Variants in TESC observed in about 807,000 individuals in gnomAD.
TESC encodes tescalcin.
TESC carries 19 observed loss-of-function variants against 31.0 expected under a neutral mutation model. That is an observed-to-expected ratio of 0.61 (90% CI 0.43 to 0.90). The LOEUF (loss-of-function observed/expected upper bound fraction) is 0.90, where lower values mean the gene tolerates loss of function less well. TESC is among the 40% of genes least tolerant of loss of function. The probability of loss-of-function intolerance (pLI) is 0.00; values close to 1 mark genes in which losing one functional copy is unlikely to be tolerated. For synonymous variants in TESC, 109 were observed against 114.8 expected, an observed-to-expected ratio of 0.95 and a Z score of 0.32; for missense variants, 248 against 303.8, an observed-to-expected ratio of 0.82 and a Z score of 1.36.
At chr12:117,097,258 T>C (rs943022460) in intron 1 of TESC, among the ~76,000 whole-genome samples, 2 of 152,220 alleles carry the variant, frequency 1.3e-5, no homozygotes, top group African/African-American at 4.8e-5. Context: ...CCTTGGGTTA[T>C]GAAGTCTGAG....
intron 1 of TESC, among the ~76,000 whole-genome samples, chr12:117,075,627 C>T (rs968075187): frequency 2.0e-5 from 3 of 151,538 alleles, no homozygotes; most frequent in African/African-American, 4.9e-5. Flanking sequence ...GGCCATTCTC[C>T]CAGCCTCTGA....
intron 4 of TESC, 113 bp downstream of exon 4, chr12:117,048,906 C>T: frequency 6.5e-7 from 1 of 1,545,092 alleles, no homozygotes; most frequent in South Asian, 1.2e-5. Flanking sequence ...CCCTCCAAGC[C>T]CCCAAGCCAA....
chr12:117,075,376 A>G, intron 1 of TESC, 36 bp from the exon 2 acceptor site: 1 of 1,586,978 alleles, frequency 6.3e-7, no homozygotes, highest in Non-Finnish European at 8.6e-7. Context: ...AACAAGACAG[A>G]AAAAAAAATC....
At chr12:117,096,452 G>GT (rs1442666496) in intron 1 of TESC, among the ~76,000 whole-genome samples, 10 of 152,202 alleles carry the variant, frequency 6.6e-5, no homozygotes, top group Non-Finnish European at 1.2e-4. Flanking sequence ...CAGGATCCAG[G>GT]TGGGGGTACT....
intron 1 of TESC, among the ~76,000 whole-genome samples, chr12:117,085,117 A>G (rs1955201202): frequency 1.3e-5 from 2 of 152,282 alleles, no homozygotes; most frequent in African/African-American, 4.8e-5. Flanking sequence ...GTGATGCCCA[A>G]TGGGGTTCTG....
chr12:117,073,313 C>T (rs554058510), intron 2 of TESC, among the ~76,000 whole-genome samples: 1 of 152,172 alleles, frequency 6.6e-6, no homozygotes, highest in Non-Finnish European at 1.5e-5. Flanking sequence ...AATGAGAAGC[C>T]AGGTGACTCT....
intron 1 of TESC, among the ~76,000 whole-genome samples, chr12:117,083,252 T>C (rs1955173052): frequency 6.6e-6 from 1 of 152,192 alleles, no homozygotes; most frequent in South Asian, 2.1e-4. Context: ...CTAATTTCTA[T>C]ATTTTTAGTA....
intron 1 of TESC, among the ~76,000 whole-genome samples, chr12:117,088,857 G>A (rs749871239): frequency 2.0e-5 from 3 of 152,184 alleles, no homozygotes; most frequent in Non-Finnish European, 4.4e-5. Flanking sequence ...CAAGTGCCAG[G>A]GGCAAGGAAG....
chr12:117,053,182 C>T (rs1954673299), intron 3 of TESC, among the ~76,000 whole-genome samples: 1 of 152,250 alleles, frequency 6.6e-6, no homozygotes, highest in Non-Finnish European at 1.5e-5. Context: ...CAGGGAGCAC[C>T]ACGCCTGTGC....
chr12:117,044,116 T>G (rs574802286), intron 6 of TESC, among the ~76,000 whole-genome samples: 1 of 152,202 alleles, frequency 6.6e-6, no homozygotes, highest in Non-Finnish European at 1.5e-5. Context: ...TTTTAAAAAT[T>G]AGCTGGGTGT....
chr12:117,048,398 C>T (rs1335992787), intron 4 of TESC, among the ~76,000 whole-genome samples: 1 of 152,170 alleles, frequency 6.6e-6, no homozygotes, highest in Non-Finnish European at 1.5e-5. Context: ...AGGAGGCTGA[C>T]CTGGGGCGGG....
intron 3 of TESC, among the ~76,000 whole-genome samples, chr12:117,053,773 C>G (rs1419080470): frequency 6.6e-6 from 1 of 152,136 alleles, no homozygotes; most frequent in Admixed American, 6.5e-5. Flanking sequence ...CACATACACA[C>G]ACGCACGCAC....
intron 1 of TESC, among the ~76,000 whole-genome samples, chr12:117,075,917 G>GTATATATA: frequency 2.6e-5 from 2 of 76,926 alleles, no homozygotes; most frequent in African/African-American, 1.4e-4. Context: ...ATATATATGT[G>GTATATATA]TGTGTGTATA....
At chr12:117,054,587 C>G (rs1034186400) in intron 3 of TESC, among the ~76,000 whole-genome samples, 1 of 152,166 alleles carries the variant, frequency 6.6e-6, no homozygotes, top group Non-Finnish European at 1.5e-5. Flanking sequence ...CCCCATGGGC[C>G]ACAGAGGAAG....
At chr12:117,055,543 G>C (rs766660149) in intron 3 of TESC, among the ~76,000 whole-genome samples, 29 of 152,240 alleles carry the variant, frequency 1.9e-4, no homozygotes, top group Non-Finnish European at 3.5e-4. Flanking sequence ...GTCCCCTCAA[G>C]AAGGGGGTGA....
In TESC at chr12:117,042,845, C is replaced by T. The variant is rs760211034; in HGVS notation, c.520-851G>A. ...CGGTCATCCACGCTATTGATTCCCA[C>T]GCAACCATTAACCATTTATGCCTAG... On this transcript the variant is annotated intron_variant, in intron 6 of 7. Transcript: ENST00000335209. Among the ~76,000 whole-genome samples the T allele has an allele frequency of 5.9e-5, 9 of 152,232 alleles. No individual in the cohort carries two copies. In the East Asian group the frequency reaches 9.6e-4, roughly 16 times the overall value.
intron 7 of TESC, among the ~76,000 whole-genome samples, chr12:117,041,126 C>T (rs577001520): frequency 1.3e-5 from 2 of 152,318 alleles, no homozygotes; most frequent in Admixed American, 1.3e-4. Flanking sequence ...GCAAGGCCAG[C>T]ACTGGCCTAA....
chr12:117,075,473 G>T, intron 1 of TESC, 133 bp from the exon 2 acceptor site: 1 of 870,252 alleles, frequency 1.1e-6, no homozygotes, highest in Non-Finnish European at 1.7e-6. Flanking sequence ...TCCCACCATG[G>T]CAAAAGCGAG....
chr12:117,048,948 T>C (rs1216247579), intron 4 of TESC, 71 bp downstream of exon 4: 1 of 1,607,566 alleles, frequency 6.2e-7, no homozygotes, highest in Non-Finnish European at 8.5e-7. Flanking sequence ...CAGAGGCGCC[T>C]TGCGTTCTGA....
Sources: allele counts gnomAD v4.1 joint callset (sites outside exome capture counted in the v4.1 genomes callset), GRCh38; gene constraint gnomAD v4.1.1; transcripts MANE v1.5; gene names NCBI Gene and HGNC (gene_info 2026-07-23, HGNC 2026-07-21).